DLG2: variants seen among roughly 807,000 people sequenced by gnomAD.
The protein encoded by DLG2 is discs large MAGUK scaffold protein 2.
A neutral mutation model predicts 132.5 loss-of-function variants in DLG2; 45 were observed. That is an observed-to-expected ratio of 0.34 (90% CI 0.27 to 0.44). The LOEUF (loss-of-function observed/expected upper bound fraction) is 0.44, where lower values mean the gene tolerates loss of function less well. Ranked by LOEUF, DLG2 falls within the 20% of genes least tolerant of loss-of-function variation. The pLI is 1.00. For missense variants in DLG2, 1,045 were observed against 1,196.9 expected, an observed-to-expected ratio of 0.87 and a Z score of 1.87; for synonymous variants, 424 against 419.6, an observed-to-expected ratio of 1.01 and a Z score of -0.13.
intron 14 of DLG2, among the ~76,000 whole-genome samples, chr11:83,960,250 T>A (rs1405648898): frequency 6.6e-6 from 1 of 152,084 alleles, no homozygotes; most frequent in Non-Finnish European, 1.5e-5. Context: ...ATGGCATTCA[T>A]GTAATACTCA....
At chr11:83,608,731 CACAGAG>C (rs1009182182) in intron 19 of DLG2, among the ~76,000 whole-genome samples, 1 of 151,234 alleles carries the variant, frequency 6.6e-6, no homozygotes, top group African/African-American at 2.4e-5. Flanking sequence ...CACGCACACA[CACAGAG>C]AGAGAGAGAG....
At chr11:85,293,651 G>A (rs537333235) in intron 3 of DLG2, among the ~76,000 whole-genome samples, 1 of 152,226 alleles carries the variant, frequency 6.6e-6, no homozygotes, top group African/African-American at 2.4e-5. Flanking sequence ...AACTATTGCA[G>A]ATTAAAGGAA....
chr11:85,457,424 T>C (rs966982796), intron 3 of DLG2, among the ~76,000 whole-genome samples: 1 of 152,180 alleles, frequency 6.6e-6, no homozygotes, highest in Non-Finnish European at 1.5e-5. Context: ...CTGGGGGAAT[T>C]TAGCCCATTC....
chr11:84,266,427 A>C (rs2097635637), intron 7 of DLG2, among the ~76,000 whole-genome samples: 1 of 152,198 alleles, frequency 6.6e-6, no homozygotes, highest in Non-Finnish European at 1.5e-5. Flanking sequence ...CCATAGATTA[A>C]GTGTCATCTT....
At chr11:83,672,614 T>C (rs1174633511) in intron 18 of DLG2, among the ~76,000 whole-genome samples, 1 of 152,224 alleles carries the variant, frequency 6.6e-6, no homozygotes, top group Non-Finnish European at 1.5e-5. Context: ...GCTTCAGAAA[T>C]TCTTCCCCAC....
intron 18 of DLG2, chr11:83,647,022 G>A (rs1218848152): frequency 6.6e-6 from 1 of 152,048 alleles, no homozygotes; most frequent in Non-Finnish European, 1.5e-5. Flanking sequence ...CAGGTGTCTG[G>A]TGATCCTTGC....
In DLG2 at chr11:84,574,057, T is replaced by C. The variant is rs115312141; in HGVS notation, c.358-39326A>G. On this transcript the variant is annotated intron_variant, in intron 6 of 27. Transcript: ENST00000376104. ...TGTTCAGAATCACACAGCAAATCAG[T>C]AGTGACAGAACTGAGACTCCAGATG... 3.4e-3 allele frequency among the ~76,000 whole-genome samples: 512 copies of C among 152,246 alleles called. 2 individuals are homozygous for C. Among genetic ancestry groups the C allele is most frequent in the African/African-American group, 0.011 (472 of 41,558 alleles).
chr11:85,349,606 C>A (rs762646251), intron 3 of DLG2, among the ~76,000 whole-genome samples: 5 of 152,108 alleles, frequency 3.3e-5, no homozygotes, highest in Non-Finnish European at 7.3e-5. Flanking sequence ...GTTCCCCACC[C>A]TGTGTCCAAG....
intron 7 of DLG2, among the ~76,000 whole-genome samples, chr11:84,293,282 A>T (rs538588654): frequency 6.6e-6 from 1 of 152,248 alleles, no homozygotes; most frequent in East Asian, 1.9e-4. Context: ...CTGCAAGTAG[A>T]TTTAGTCATT....
chr11:85,021,155 G>A (rs2060030147), intron 6 of DLG2: 1 of 849,590 alleles, frequency 1.2e-6, no homozygotes, highest in African/African-American at 1.7e-5. Flanking sequence ...GATCCCCGCT[G>A]CCCATTCTTA....
rs995042993 is a variant in DLG2 at position 83,456,552 on chromosome 11, A to C, written c.*3266T>G. 3 of 152,538 alleles carry C rather than the reference A, an allele frequency of 2.0e-5. No homozygotes were observed. Among genetic ancestry groups the C allele is most frequent in the African/African-American group, 7.2e-5 (3 of 41,418 alleles). The allele number at this position is 152,538 out of a possible 1,614,324, so 9.4% of individuals were successfully genotyped here. A position where few individuals can be genotyped will look rare whatever the true frequency, so the allele number is the denominator to read the frequency against. ...TAAGAAGGGCAGAGAAACAGAGACTAAAGGAGAGGTGGACAAAAAGAGAAA... is the reference window on the plus strand; with the variant it reads ...TAAGAAGGGCAGAGAAACAGAGACTCAAGGAGAGGTGGACAAAAAGAGAAA... On this transcript the variant is annotated 3_prime_UTR_variant, in exon 28 of 28. Coordinates refer to ENST00000376104, the MANE Select transcript of DLG2 (RefSeq NM_001142699.3).
intron 7 of DLG2, among the ~76,000 whole-genome samples, chr11:84,532,988 A>G (rs2099346481): frequency 6.6e-6 from 1 of 152,214 alleles, no homozygotes; most frequent in Non-Finnish European, 1.5e-5. Flanking sequence ...GCAAGATTCT[A>G]TACTGAACAC....
intron 6 of DLG2, among the ~76,000 whole-genome samples, chr11:84,569,592 T>C (rs1163525494): frequency 1.3e-5 from 2 of 151,970 alleles, no homozygotes; most frequent in South Asian, 2.1e-4. Flanking sequence ...ATGACTAAAC[T>C]GAAAAATTCA....
intron 7 of DLG2, among the ~76,000 whole-genome samples, chr11:84,274,418 T>C (rs1327033831): frequency 2.6e-5 from 4 of 152,238 alleles, no homozygotes; most frequent in Admixed American, 6.5e-5. Flanking sequence ...TAATAAATTA[T>C]GCATTTAATT....
chr11:85,190,704 A>G lies in DLG2; in HGVS notation c.187-36053T>C, dbSNP rs114949180. Among the ~76,000 whole-genome samples, 278 of 152,152 alleles carry G rather than the reference A, an allele frequency of 1.8e-3. 1 individual carries two copies. The highest frequency in any genetic ancestry group is 6.5e-3 in the African/African-American group (268 of 41,484). On this transcript the variant is annotated intron_variant, in intron 4 of 27. Transcript: ENST00000376104. The stretch of plus-strand genomic sequence containing the variant: ...TTAACATCAACCCCACAGAAATACA[A>G]AAGCTCTGTTATGAACACCCCTATG...
chr11:84,137,003 A>G (rs1338625256), intron 9 of DLG2, among the ~76,000 whole-genome samples: 2 of 152,130 alleles, frequency 1.3e-5, no homozygotes, highest in African/African-American at 4.8e-5. Context: ...AAAACACTAC[A>G]AACTATTCCA....
chr11:85,405,563 A>T (rs998263856), intron 3 of DLG2, among the ~76,000 whole-genome samples: 6 of 152,014 alleles, frequency 3.9e-5, no homozygotes, highest in African/African-American at 1.4e-4. Context: ...CATCCACCAG[A>T]CACTATGCTA....
intron 11 of DLG2, among the ~76,000 whole-genome samples, chr11:84,055,958 T>C (rs530075432): frequency 5.9e-5 from 9 of 152,158 alleles, no homozygotes; most frequent in East Asian, 1.9e-4. Context: ...CTCTGTATTA[T>C]ATATACATAA....
rs2098975407 is a variant in DLG2 at position 84,428,858 on chromosome 11, G to T, written c.519+105712C>A. ...TCATCCTCAACTATAAGCTTGTAAT[G>T]ATATGGCATGTGGGATAAGGCAGCT... On this transcript the variant is annotated intron_variant, in intron 7 of 27. Transcript: ENST00000376104. Among the ~76,000 whole-genome samples, 4 of 152,164 alleles carry T rather than the reference G, an allele frequency of 2.6e-5. No homozygotes were observed. The South Asian group carries it at 8.3e-4, about 32-fold the overall frequency.
Sources: allele counts gnomAD v4.1 joint callset (sites outside exome capture counted in the v4.1 genomes callset), GRCh38; gene constraint gnomAD v4.1.1; transcripts MANE v1.5; gene names NCBI Gene and HGNC (gene_info 2026-07-23, HGNC 2026-07-21).